LUZP2: variants seen among roughly 807,000 people sequenced by gnomAD.
LUZP2 encodes leucine zipper protein 2.
In LUZP2, 52 loss-of-function variants were observed where a neutral mutation model predicts 51.6. The observed-to-expected ratio is 1.01, with a 90% CI of 0.81 to 1.27. The LOEUF (loss-of-function observed/expected upper bound fraction) is 1.27. Ranked by LOEUF, LUZP2 falls within the 50% of genes most tolerant of loss-of-function variation. LUZP2 has a pLI of 0.00. For synonymous variants in LUZP2, 154 were observed against 137.3 expected, an observed-to-expected ratio of 1.12 and a Z score of -0.85; for missense variants, 436 against 395.4, an observed-to-expected ratio of 1.10 and a Z score of -0.87.
At chr11:24,783,749 C>T (rs1590519024) in intron 5 of LUZP2, among the ~76,000 whole-genome samples, 1 of 151,946 alleles carries the variant, frequency 6.6e-6, no homozygotes, top group Non-Finnish European at 1.5e-5. Flanking sequence ...AAAGTTATCA[C>T]ACTGCAATGC....
chr11:24,616,233 T>C (rs1357176963), intron 1 of LUZP2, among the ~76,000 whole-genome samples: 2 of 152,048 alleles, frequency 1.3e-5, no homozygotes, highest in Non-Finnish European at 2.9e-5. Flanking sequence ...TTTTTTTTCT[T>C]TTATGGATAA....
intron 1 of LUZP2, among the ~76,000 whole-genome samples, chr11:24,575,015 T>C (rs1260331383): frequency 6.6e-6 from 1 of 152,142 alleles, no homozygotes; most frequent in Admixed American, 6.6e-5. Flanking sequence ...TGCTTATAGA[T>C]TACTCTTTGC....
At chr11:25,020,518 C>T (rs1029523071) in intron 9 of LUZP2, among the ~76,000 whole-genome samples, 9 of 151,768 alleles carry the variant, frequency 5.9e-5, no homozygotes, top group African/African-American at 2.2e-4. Flanking sequence ...TCTTGCAGCA[C>T]TATGCATCCT....
intron 9 of LUZP2, among the ~76,000 whole-genome samples, chr11:25,004,846 C>A (rs1175295215): frequency 6.6e-6 from 1 of 152,166 alleles, no homozygotes; most frequent in East Asian, 1.9e-4. Context: ...TTGTCCCTTT[C>A]TTCAGCTGTC....
intron 1 of LUZP2, among the ~76,000 whole-genome samples, chr11:24,702,736 C>G (rs2133913283): frequency 6.6e-6 from 1 of 152,262 alleles, no homozygotes; most frequent in Admixed American, 6.5e-5. Context: ...AAGGGACAAC[C>G]ATTCAAATCA....
At chr11:25,073,034 A>C (rs1229117278) in intron 10 of LUZP2, among the ~76,000 whole-genome samples, 1 of 152,134 alleles carries the variant, frequency 6.6e-6, no homozygotes, top group Non-Finnish European at 1.5e-5. Context: ...CTTGACTTTT[A>C]TACACACTTT....
intron 1 of LUZP2, among the ~76,000 whole-genome samples, chr11:24,528,546 G>A (rs540468365): frequency 1.3e-5 from 2 of 150,958 alleles, no homozygotes; most frequent in Non-Finnish European, 3.0e-5. Context: ...TAGGGTACAC[G>A]TGCACAACGT....
At chr11:24,506,311 C>T (rs1021252264) in intron 1 of LUZP2, among the ~76,000 whole-genome samples, 2 of 151,844 alleles carry the variant, frequency 1.3e-5, no homozygotes, top group Non-Finnish European at 2.9e-5. Context: ...TTATTTCTGG[C>T]CTTTGAAGTA....
intron 5 of LUZP2, among the ~76,000 whole-genome samples, chr11:24,860,943 T>C (rs59125323): frequency 0.2 from 30,171 of 152,040 alleles, 3,114 homozygotes; most frequent in South Asian, 0.24. Flanking sequence ...GGTGCAGAAC[T>C]GGATGGAGGA....
chr11:24,698,599 T>G (rs1857320733), intron 1 of LUZP2, among the ~76,000 whole-genome samples: 1 of 152,214 alleles, frequency 6.6e-6, no homozygotes, highest in African/African-American at 2.4e-5. Context: ...TTGCTCAACT[T>G]TAAATTTTTA....
At chr11:24,991,764 T>A (rs1329632373) in intron 9 of LUZP2, among the ~76,000 whole-genome samples, 1 of 152,012 alleles carries the variant, frequency 6.6e-6, no homozygotes. Flanking sequence ...TGGCCATTCT[T>A]GCAGAAGTAA....
rs1245369350 is a variant in LUZP2, at chr11:24,762,964, T to A, written c.334-282T>A. 3 of 962,310 alleles carry A rather than the reference T, an allele frequency of 3.1e-6. No individual in the cohort carries two copies. In the East Asian group the frequency reaches 3.4e-4, roughly 111 times the overall value. The allele number at this position is 962,310 out of a possible 1,614,324, so 59.6% of individuals were successfully genotyped here. A position where few individuals can be genotyped will look rare whatever the true frequency, so the allele number is the denominator to read the frequency against. ...ACCACATTTTTAAAAGGAAATGAAGTTTATCCAGGCAAGAGAATCACAGTC... is the reference window on the plus strand; with the variant it reads ...ACCACATTTTTAAAAGGAAATGAAGATTATCCAGGCAAGAGAATCACAGTC... On this transcript the variant is annotated intron_variant, in intron 4 of 11. Coordinates refer to ENST00000336930, the MANE Select transcript of LUZP2 (RefSeq NM_001009909.4).
chr11:24,684,873 A>AG (rs1382132431), intron 1 of LUZP2, among the ~76,000 whole-genome samples: 26 of 152,212 alleles, frequency 1.7e-4, no homozygotes. Context: ...GCTAACATAA[A>AG]GCAATAGTTA....
rs556476586 is a variant in LUZP2 at position 24,916,016 on chromosome 11, G to A, written c.522+1478G>A. Among the ~76,000 whole-genome samples the A allele has an allele frequency of 3.3e-5, 5 of 150,780 alleles. No individual in the cohort carries two copies. The South Asian group carries it at 8.4e-4, about 25-fold the overall frequency. ...ATTTTTTATTTATTTATTTTTTTTA[G>A]TAAATGTAGACTTTGAAGAAGTAAT... On this transcript the variant is annotated intron_variant, in intron 7 of 11. Coordinates refer to ENST00000336930, the MANE Select transcript of LUZP2 (RefSeq NM_001009909.4).
intron 5 of LUZP2, among the ~76,000 whole-genome samples, chr11:24,773,860 C>T (rs1287701821): frequency 6.6e-6 from 1 of 152,122 alleles, no homozygotes; most frequent in Non-Finnish European, 1.5e-5. Context: ...GACTGTTAAG[C>T]CCCCTTCAGT....
intron 1 of LUZP2, among the ~76,000 whole-genome samples, chr11:24,715,498 T>C (rs920793608): frequency 6.6e-6 from 1 of 152,182 alleles, no homozygotes; most frequent in African/African-American, 2.4e-5. Flanking sequence ...TTAGATTATA[T>C]TGCTTGCTGA....
At chr11:24,512,345 T>A (rs1041621467) in intron 1 of LUZP2, among the ~76,000 whole-genome samples, 8 of 152,046 alleles carry the variant, frequency 5.3e-5, no homozygotes, top group African/African-American at 1.9e-4. Context: ...TTCATTTTTT[T>A]ATAAATTGAG....
intron 1 of LUZP2, among the ~76,000 whole-genome samples, chr11:24,516,008 C>T (rs553165451): frequency 6.6e-6 from 1 of 152,240 alleles, no homozygotes; most frequent in South Asian, 2.1e-4. Flanking sequence ...TGAAAACTGA[C>T]CTGAGACAGA....
intron 1 of LUZP2, among the ~76,000 whole-genome samples, chr11:24,709,636 G>T (rs1857740434): frequency 6.6e-6 from 1 of 152,084 alleles, no homozygotes; most frequent in Non-Finnish European, 1.5e-5. Flanking sequence ...ACTCTTTTTG[G>T]ATATAAACTT....
Sources: allele counts gnomAD v4.1 joint callset (sites outside exome capture counted in the v4.1 genomes callset), GRCh38; gene constraint gnomAD v4.1.1; transcripts MANE v1.5; gene names NCBI Gene and HGNC (gene_info 2026-07-23, HGNC 2026-07-21).